TFCP2: variants seen among roughly 807,000 people sequenced by gnomAD.
The protein encoded by TFCP2 is transcription factor CP2, also known as alpha-globin transcription factor CP2.
In TFCP2, 33 loss-of-function variants were observed where a neutral mutation model predicts 73.4. The observed-to-expected ratio is 0.45, with a 90% CI of 0.34 to 0.60. The LOEUF is 0.60. TFCP2 is among the 20% of genes least tolerant of loss of function. TFCP2 has a pLI of 0.01. For missense variants in TFCP2, 352 were observed against 604.0 expected (o/e 0.58, Z 4.37); for synonymous variants, 193 against 211.6 (o/e 0.91, Z 0.76).
intron 10 of TFCP2, 34 bp from the exon 11 acceptor site, chr12:51,102,059 CA>C: frequency 7.1e-7 from 1 of 1,408,828 alleles, no homozygotes; most frequent in Non-Finnish European, 1.0e-6. Context: ...ATGATAAAGG[CA>C]AAGATTCTCT....
chr12:51,131,738 A>C (rs1940948940), intron 1 of TFCP2, among the ~76,000 whole-genome samples: 1 of 152,210 alleles, frequency 6.6e-6, no homozygotes, highest in Non-Finnish European at 1.5e-5. Context: ...TCAGTCATTC[A>C]AAGATTTATT....
At chr12:51,133,204 C>T (rs912464754) in intron 1 of TFCP2, among the ~76,000 whole-genome samples, 5 of 151,836 alleles carry the variant, frequency 3.3e-5, no homozygotes, top group Non-Finnish European at 7.4e-5. Context: ...AGCACAAAAC[C>T]ACCTCAGATT....
At chr12:51,115,990 G>A (rs148446552) in intron 4 of TFCP2, among the ~76,000 whole-genome samples, 4 of 152,252 alleles carry the variant, frequency 2.6e-5, no homozygotes, top group African/African-American at 9.6e-5. Context: ...ACACAATAAT[G>A]TGAATGTACC....
chr12:51,104,186 T>C lies in TFCP2; in HGVS notation c.935A>G (p.His312Arg), dbSNP rs1199322409. 1.2e-6 allele frequency: 2 copies of C among 1,614,102 alleles called. No individual in the cohort carries two copies. Residue 312 changes from histidine (H) to arginine (R), a missense_variant, in exon 9 of 15, where the codon CAC (histidine) becomes CGC (arginine). Coordinates refer to ENST00000257915, the MANE Select transcript of TFCP2 (RefSeq NM_005653.5). ...GACTGGAGGGGGTGGCTCTGGCTGG[T>C]GGTTTGGTGAACCATTTCTAAAGAA... The part of the protein sequence containing the change: ...SLGEGNGSPN[H>R]QPEPPPPVTD...
intron 11 of TFCP2, 82 bp from the exon 12 acceptor site, chr12:51,099,861 A>G: frequency 1.3e-6 from 2 of 1,538,618 alleles, no homozygotes; most frequent in Non-Finnish European, 1.8e-6. Flanking sequence ...GTGTTTCTAC[A>G]TTAATCGTAT....
intron 1 of TFCP2, among the ~76,000 whole-genome samples, chr12:51,136,733 T>C (rs1236059917): frequency 2.0e-5 from 3 of 152,138 alleles, no homozygotes; most frequent in African/African-American, 7.2e-5. Context: ...GTCAGGAGTT[T>C]GAAACTAGTC....
chr12:51,103,659 G>C lies in TFCP2; in HGVS notation c.1060+11C>G, dbSNP rs1566200021. 1.2e-6 allele frequency: 2 copies of C among 1,608,162 alleles called. No individual in the cohort carries two copies. The highest frequency in any genetic ancestry group is 2.2e-5 in the South Asian group (2 of 89,994). ...CATGCTAGGGAAAACAAAAGAAAAA[G>C]AAAATTTAACCTGAGAAGTTTGTGA... On this transcript the variant is annotated intron_variant, in intron 10 of 14. Transcript: ENST00000257915.
In TFCP2 at chr12:51,099,068, C is replaced by A. The variant is rs961832323; in HGVS notation, c.1277-150G>T. 10 of 831,486 alleles carry A rather than the reference C, an allele frequency of 1.2e-5. No individual in the cohort carries two copies. The Admixed American group carries it at 2.9e-4, about 24-fold the overall frequency. The allele number at this position is 831,486 out of a possible 1,614,324, so 51.5% of individuals were successfully genotyped here. ...GGCTCAACCACTTGCAGCTGTGTGA[C>A]CTAGGGCAAGTTATTTAACATTCCT... On this transcript the variant is annotated intron_variant, in intron 12 of 14. Coordinates refer to ENST00000257915, the MANE Select transcript of TFCP2 (RefSeq NM_005653.5).
chr12:51,133,074 T>G (rs961277073), intron 1 of TFCP2, among the ~76,000 whole-genome samples: 2 of 152,016 alleles, frequency 1.3e-5, no homozygotes, highest in African/African-American at 4.8e-5. Flanking sequence ...AAACAAAACT[T>G]AATAGTAATG....
At chr12:51,125,063 A>T (rs769327555) in intron 1 of TFCP2, 15 of 752,726 alleles carry the variant, frequency 2.0e-5, no homozygotes, top group South Asian at 1.9e-4. Context: ...ACGTCAGCAC[A>T]GGCTCATCAT....
intron 1 of TFCP2, among the ~76,000 whole-genome samples, chr12:51,147,157 A>G (rs1941313922): frequency 6.6e-6 from 1 of 152,176 alleles, no homozygotes; most frequent in South Asian, 2.1e-4. Flanking sequence ...AGCCTGGCCA[A>G]TATAGTGAAA....
At chr12:51,139,461 T>C (rs962626350) in intron 1 of TFCP2, among the ~76,000 whole-genome samples, 1 of 152,036 alleles carries the variant, frequency 6.6e-6, no homozygotes, top group African/African-American at 2.4e-5. Context: ...AGTCTCAAAC[T>C]CCTGGGCCCA....
At chr12:51,132,599 G>C (rs1223837234) in intron 1 of TFCP2, among the ~76,000 whole-genome samples, 1 of 151,914 alleles carries the variant, frequency 6.6e-6, no homozygotes, top group Non-Finnish European at 1.5e-5. Flanking sequence ...TCGAACTCCT[G>C]ACCTTGTGAT....
At chr12:51,152,346 C>T (rs1036491441) in intron 1 of TFCP2, among the ~76,000 whole-genome samples, 4 of 139,750 alleles carry the variant, frequency 2.9e-5, no homozygotes, top group Non-Finnish European at 6.5e-5. Flanking sequence ...CATAAAAATA[C>T]AAGGAACAAG....
At chr12:51,144,890 C>T (rs1391187805) in intron 1 of TFCP2, among the ~76,000 whole-genome samples, 1 of 151,824 alleles carries the variant, frequency 6.6e-6, no homozygotes, top group Non-Finnish European at 1.5e-5. Context: ...GGCAAAATGC[C>T]GTCTGTACTA....
At chr12:51,157,467 T>C (rs1941561120) in intron 1 of TFCP2, among the ~76,000 whole-genome samples, 1 of 151,434 alleles carries the variant, frequency 6.6e-6, no homozygotes, top group Non-Finnish European at 1.5e-5. Flanking sequence ...AGGAATGTGT[T>C]ATTTTTTTGT....
chr12:51,117,771 T>C lies in TFCP2; in HGVS notation c.275-24A>G, dbSNP rs367749512. 8.6e-6 allele frequency: 13 copies of C among 1,515,308 alleles called. No individual in the cohort carries two copies. The African/African-American group carries it at 1.6e-4, about 19-fold the overall frequency. 93.9% of individuals were successfully genotyped at this position (1,515,308 alleles called of 1,614,324 possible). On this transcript the variant is annotated intron_variant, in intron 2 of 14. Transcript: ENST00000257915. ...TCCTAGAAGAAAAAGTAATTACATA[T>C]TATATTCACCACAAATTAACTTTGC...
At position 51,095,049 on chromosome 12, in the gene TFCP2, T is replaced by C; in HGVS notation, c.*192A>G. On this transcript the variant is annotated 3_prime_UTR_variant, in exon 15 of 15. Coordinates refer to ENST00000257915, the MANE Select transcript of TFCP2 (RefSeq NM_005653.5). ...TGCAGAACTGCATATTGGGCAGTAA[T>C]CTGTGTGTACCACAAGAGCTTGGGC... is the stretch of plus-strand genomic sequence containing the variant. 1.5e-6 allele frequency: 1 copy of C among 664,038 alleles called. No homozygotes were observed. The highest frequency in any genetic ancestry group is 2.7e-6 in the Non-Finnish European group (1 of 371,566). 41.1% of individuals were successfully genotyped at this position (664,038 alleles called of 1,614,324 possible).
chr12:51,107,422 T>A, intron 6 of TFCP2, 76 bp from the exon 7 acceptor site: 1 of 1,208,512 alleles, frequency 8.3e-7, no homozygotes, highest in Non-Finnish European at 1.2e-6. Flanking sequence ...AAAACTTAAA[T>A]ATTCATGTAT....
Sources: gnomAD v4.1 joint callset for allele counts (sites outside exome capture counted in the v4.1 genomes callset) on GRCh38, gnomAD v4.1.1 for gene constraint, MANE v1.5 for transcripts, NCBI Gene and HGNC (gene_info 2026-07-23, HGNC 2026-07-21) for gene names.